The following TUSC3 variants were observed in gnomAD, a reference collection of about 807,000 sequenced individuals.
The protein encoded by TUSC3 is tumor suppressor candidate 3.
TUSC3 carries 45 observed loss-of-function variants against 44.8 expected under a neutral mutation model. The observed-to-expected ratio is 1.00, with a 90% confidence interval of 0.79 to 1.29. TUSC3 has a LOEUF of 1.29. TUSC3 is among the 50% of genes most tolerant of loss of function. TUSC3 has a pLI of 0.00. For missense variants in TUSC3, 519 were observed against 437.9 expected (o/e 1.19, Z -1.65); for synonymous variants, 212 against 152.9 (o/e 1.39, Z -2.85).
chr8:15,637,956 C>G (rs1374068069), intron 2 of TUSC3, among the ~76,000 whole-genome samples: 5 of 152,182 alleles, frequency 3.3e-5, no homozygotes, highest in Admixed American at 3.3e-4. Flanking sequence ...CACCAACCCA[C>G]TAATGCATGT....
chr8:15,459,832 TTG>T (rs35529446), intron 1 of TUSC3, among the ~76,000 whole-genome samples: 23,151 of 148,080 alleles, frequency 0.16, 2,775 homozygotes, highest in African/African-American at 0.34. Context: ...AGTATTCCAT[TTG>T]TGTGTGTGTG....
rs3070913 is a variant in TUSC3, at chr8:15,650,984, TACACACACACACAC to T, written c.426+196_426+209del. 5,211 of 501,858 alleles carry T rather than the reference TACACACACACACAC, an allele frequency of 0.01. 51 individuals are homozygous for T. The highest frequency in any genetic ancestry group is 0.04 in the African/African-American group (2,035 of 50,578). The allele number at this position is 501,858 out of a possible 1,614,324, so 31.1% of individuals were successfully genotyped here. A position where few individuals can be genotyped will look rare whatever the true frequency, so the allele number is the denominator to read the frequency against. ...CAGGTGGAGGACAGAGCAAGACTTT[TACACACACACACAC>T]ACACACACACACACACACACACACA... On this transcript the variant is annotated intron_variant, in intron 3 of 10. Coordinates refer to ENST00000503731, the MANE Select transcript of TUSC3 (RefSeq NM_006765.4).
intron 1 of TUSC3, among the ~76,000 whole-genome samples, chr8:15,541,017 C>G (rs1208975988): frequency 1.3e-5 from 2 of 152,212 alleles, no homozygotes; most frequent in South Asian, 2.1e-4. Context: ...TTAAGTTACA[C>G]TGTATGTTTA....
intron 1 of TUSC3, among the ~76,000 whole-genome samples, chr8:15,543,723 A>G (rs1187903054): frequency 6.6e-6 from 1 of 151,800 alleles, no homozygotes; most frequent in Non-Finnish European, 1.5e-5. Flanking sequence ...GAAATGCGGT[A>G]AGATTTTTTT....
chr8:15,536,785 T>TTTTAAG (rs1431878684), upstream of TUSC3, among the ~76,000 whole-genome samples: 1 of 149,592 alleles, frequency 6.7e-6, no homozygotes, highest in African/African-American at 2.5e-5. Flanking sequence ...GTTGGTGAGA[T>TTTTAAG]TTTAAGTGAG....
At chr8:15,582,905 A>G (rs553003575) in intron 1 of TUSC3, among the ~76,000 whole-genome samples, 1 of 152,318 alleles carries the variant, frequency 6.6e-6, no homozygotes, top group South Asian at 2.1e-4. Flanking sequence ...TTTGTTCTTC[A>G]GACATACTGA....
chr8:15,700,042 A>G (rs565178651), intron 6 of TUSC3, among the ~76,000 whole-genome samples: 7 of 152,276 alleles, frequency 4.6e-5, no homozygotes, highest in Admixed American at 3.3e-4. Flanking sequence ...ATTATTATAG[A>G]GATTAAATAC....
chr8:15,438,230 G>T (rs1465146715), intron 1 of TUSC3, among the ~76,000 whole-genome samples: 2 of 152,104 alleles, frequency 1.3e-5, no homozygotes, highest in Non-Finnish European at 1.5e-5. Flanking sequence ...AAGCAGCTAG[G>T]ATTACAGGCA....
At chr8:15,597,630 A>G (rs1029544897) in intron 1 of TUSC3, among the ~76,000 whole-genome samples, 2 of 152,120 alleles carry the variant, frequency 1.3e-5, no homozygotes, top group African/African-American at 2.4e-5. Flanking sequence ...TGAGCATTGG[A>G]TATGTATAGT....
At chr8:15,442,504 G>T (rs964898809) in intron 1 of TUSC3, among the ~76,000 whole-genome samples, 2 of 152,114 alleles carry the variant, frequency 1.3e-5, no homozygotes, top group Admixed American at 6.5e-5. Flanking sequence ...CTGATTAGCT[G>T]TTCCCAGTGG....
At chr8:15,584,041 C>T (rs1169029461) in intron 1 of TUSC3, among the ~76,000 whole-genome samples, 1 of 152,144 alleles carries the variant, frequency 6.6e-6, no homozygotes, top group Non-Finnish European at 1.5e-5. Flanking sequence ...TAAACAGGTA[C>T]TTAAAGGCAG....
At position 15,614,564 on chromosome 8, in the gene TUSC3, G is replaced by T. The variant is rs549669791; in HGVS notation, c.139-8516G>T. On this transcript the variant is annotated intron_variant, in intron 1 of 10. Coordinates refer to ENST00000503731, the MANE Select transcript of TUSC3 (RefSeq NM_006765.4). ...TAAAATGTGTGGTCTGTTATGTCTG[G>T]CTTCTTTCAGTGAATATAATGTTCC... Among the ~76,000 whole-genome samples the T allele has an allele frequency of 2.6e-5, 4 of 152,108 alleles. No homozygotes were observed. In the South Asian group the frequency reaches 6.2e-4, roughly 24 times the overall value.
At chr8:15,639,671 T>A (rs1212070443) in intron 2 of TUSC3, among the ~76,000 whole-genome samples, 1 of 152,158 alleles carries the variant, frequency 6.6e-6, no homozygotes, top group Non-Finnish European at 1.5e-5. Flanking sequence ...TTATTCTTGG[T>A]TTCAATGATT....
At chr8:15,490,031 G>A (rs1800786566) in intron 2 of TUSC3, among the ~76,000 whole-genome samples, 1 of 152,176 alleles carries the variant, frequency 6.6e-6, no homozygotes, top group African/African-American at 2.4e-5. Context: ...GGACATTCTA[G>A]CAGTGAGGCT....
chr8:15,669,426 G>T (rs1168593332), intron 5 of TUSC3, among the ~76,000 whole-genome samples: 1 of 151,696 alleles, frequency 6.6e-6, no homozygotes, highest in Non-Finnish European at 1.5e-5. Flanking sequence ...AAATCTGACG[G>T]GGACATTTAA....
At chr8:15,427,075 G>A (rs62500492) in intron 1 of TUSC3, among the ~76,000 whole-genome samples, 9,551 of 146,008 alleles carry the variant, frequency 0.065, 377 homozygotes, top group East Asian at 0.16. Flanking sequence ...GTTGTTTGGT[G>A]TTTGTTTTTT....
intron 1 of TUSC3, among the ~76,000 whole-genome samples, chr8:15,611,057 G>C (rs1178974589): frequency 6.6e-6 from 1 of 152,184 alleles, no homozygotes; most frequent in African/African-American, 2.4e-5. Context: ...TTTCTCATTA[G>C]ATAACTTTAC....
At chr8:15,632,630 C>G (rs1045165973) in intron 2 of TUSC3, among the ~76,000 whole-genome samples, 5 of 152,150 alleles carry the variant, frequency 3.3e-5, no homozygotes, top group Non-Finnish European at 7.3e-5. Flanking sequence ...TAATGTTTGT[C>G]TGAACTTGAT....
intron 1 of TUSC3, among the ~76,000 whole-genome samples, chr8:15,452,682 T>A (rs1800209738): frequency 1.3e-5 from 2 of 152,154 alleles, no homozygotes; most frequent in South Asian, 4.1e-4. Context: ...TTGCTTTGTG[T>A]GTCACAATCT....
Sources: allele counts gnomAD v4.1 joint callset (sites outside exome capture counted in the v4.1 genomes callset), GRCh38; gene constraint gnomAD v4.1.1; transcripts MANE v1.5; gene names NCBI Gene and HGNC (gene_info 2026-07-23, HGNC 2026-07-21).